Variants in PDE11A observed in about 807,000 individuals in gnomAD.
PDE11A encodes phosphodiesterase 11A.
PDE11A carries 100 observed loss-of-function variants against 100.5 expected under a neutral mutation model. The observed-to-expected ratio is 1.00, with a 90% CI of 0.85 to 1.18. PDE11A has a LOEUF of 1.18. Among genes scored for constraint, PDE11A ranks in the 50% most tolerant of loss-of-function variants. The probability of loss-of-function intolerance (pLI) is 0.00; values close to 1 mark genes in which losing one functional copy is unlikely to be tolerated. For missense variants in PDE11A, 1,141 were observed against 1,152.6 expected, an observed-to-expected ratio of 0.99 and a Z score of 0.15; for synonymous variants, 381 against 420.8, an observed-to-expected ratio of 0.91 and a Z score of 1.16.
At chr2:177,872,357 G>A (rs193293731) in intron 5 of PDE11A, among the ~76,000 whole-genome samples, 19 of 152,344 alleles carry the variant, frequency 1.2e-4, no homozygotes, top group African/African-American at 4.6e-4. Flanking sequence ...GGTGTTGCCA[G>A]TGATACCCTG....
In PDE11A at chr2:177,863,933, CAAGT is replaced by C. The variant is rs1182443764; in HGVS notation, c.1367+11922_1367+11925del. ...ATTCACAAGAGCAAACATATGGAAA[CAAGT>C]AAGTGTCTATTGATTAATGAAGGGA... On this transcript the variant is annotated intron_variant, in intron 5 of 19. Coordinates refer to ENST00000286063, the MANE Select transcript of PDE11A (RefSeq NM_016953.4). Among the ~76,000 whole-genome samples, 4 of 151,920 alleles carry C rather than the reference CAAGT, an allele frequency of 2.6e-5. No individual in the cohort carries two copies. The East Asian group carries it at 7.7e-4, about 29-fold the overall frequency.
At chr2:177,897,520 A>G (rs929792705) in intron 4 of PDE11A, among the ~76,000 whole-genome samples, 1 of 152,204 alleles carries the variant, frequency 6.6e-6, no homozygotes, top group African/African-American at 2.4e-5. Context: ...TCCACAGGAC[A>G]AATCTGCTGC....
chr2:178,095,199 A>G (rs902427386), intron 2 of PDE11A, among the ~76,000 whole-genome samples: 1 of 152,168 alleles, frequency 6.6e-6, no homozygotes, highest in Non-Finnish European at 1.5e-5. Flanking sequence ...CCTTCCTCCT[A>G]TGAGCCTGTA....
chr2:177,659,615 A>C (rs935039364), intron 19 of PDE11A, among the ~76,000 whole-genome samples: 3 of 152,188 alleles, frequency 2.0e-5, no homozygotes, highest in East Asian at 3.8e-4. Flanking sequence ...TTCTAGGTAC[A>C]CTGAGATTTG....
At chr2:177,669,367 T>G in intron 18 of PDE11A, 126 bp downstream of exon 18, 1 of 665,840 alleles carries the variant, frequency 1.5e-6, no homozygotes, top group Middle Eastern at 3.1e-4. Flanking sequence ...ATTAAGGTTT[T>G]AAACTTTCAG....
chr2:177,756,084 G>A (rs768820100), intron 10 of PDE11A, among the ~76,000 whole-genome samples: 65 of 152,174 alleles, frequency 4.3e-4, no homozygotes, highest in Non-Finnish European at 7.6e-4. Context: ...CTGGGACCTT[G>A]GGGCCATTTC....
intron 16 of PDE11A, among the ~76,000 whole-genome samples, chr2:177,676,755 T>C (rs1023975788): frequency 6.6e-6 from 1 of 152,244 alleles, no homozygotes; most frequent in Non-Finnish European, 1.5e-5. Context: ...CTACACTGCT[T>C]ACTGTGTGTC....
At chr2:177,799,651 C>T (rs2082756368) in intron 9 of PDE11A, among the ~76,000 whole-genome samples, 1 of 152,120 alleles carries the variant, frequency 6.6e-6, no homozygotes, top group Non-Finnish European at 1.5e-5. Flanking sequence ...TAACTAGTAG[C>T]TTAACCATGC....
chr2:177,993,687 C>T (rs1559035362), intron 2 of PDE11A, among the ~76,000 whole-genome samples: 1 of 152,040 alleles, frequency 6.6e-6, no homozygotes, highest in Non-Finnish European at 1.5e-5. Flanking sequence ...ACTTTGAGCT[C>T]CCCTCTTCCT....
intron 1 of PDE11A, among the ~76,000 whole-genome samples, chr2:178,028,206 T>A (rs1015849425): frequency 1.3e-5 from 2 of 151,726 alleles, no homozygotes; most frequent in Non-Finnish European, 2.9e-5. Context: ...AGGCTCTTTA[T>A]TTCCTTGGTG....
chr2:177,843,833 G>T (rs1469454994), intron 5 of PDE11A, among the ~76,000 whole-genome samples: 3 of 152,136 alleles, frequency 2.0e-5, no homozygotes, highest in Admixed American at 1.3e-4. Flanking sequence ...TTTTCACATA[G>T]ATGTGTTGAT....
At chr2:177,888,765 TC>T in intron 4 of PDE11A, 1 of 383,688 alleles carries the variant, frequency 2.6e-6, no homozygotes, top group Non-Finnish European at 3.6e-6. Context: ...TTGATACCAC[TC>T]CACAGAAAAG....
chr2:177,858,944 T>C (rs2083893126), intron 5 of PDE11A, among the ~76,000 whole-genome samples: 1 of 152,054 alleles, frequency 6.6e-6, no homozygotes. Flanking sequence ...ATGTCCTTTG[T>C]AGGGACATGG....
chr2:177,681,677 A>G (rs752112656), intron 15 of PDE11A, among the ~76,000 whole-genome samples: 9 of 152,246 alleles, frequency 5.9e-5, no homozygotes, highest in Non-Finnish European at 8.8e-5. Context: ...GGCCAAGGGC[A>G]TTCCTAAATT....
intron 1 of PDE11A, among the ~76,000 whole-genome samples, chr2:178,067,854 G>A (rs1304371083): frequency 6.6e-6 from 1 of 152,138 alleles, no homozygotes; most frequent in Non-Finnish European, 1.5e-5. Context: ...AATAAATGAA[G>A]CTGTTGTGTA....
At chr2:177,951,605 G>C (rs1267964794) in intron 2 of PDE11A, among the ~76,000 whole-genome samples, 1 of 152,154 alleles carries the variant, frequency 6.6e-6, no homozygotes. Context: ...GTGGTAATGA[G>C]AGTATCAGCA....
At chr2:177,651,605 T>C (rs2080309998) in intron 19 of PDE11A, among the ~76,000 whole-genome samples, 1 of 148,898 alleles carries the variant, frequency 6.7e-6, no homozygotes, top group African/African-American at 2.6e-5. Context: ...TACTGCCTCC[T>C]CTTAGGCCCT....
chr2:177,803,284 T>C (rs1431137235), intron 9 of PDE11A, among the ~76,000 whole-genome samples: 3 of 151,398 alleles, frequency 2.0e-5, no homozygotes, highest in African/African-American at 7.3e-5. Context: ...AGTGAGATTA[T>C]GTCACTTATA....
chr2:177,845,015 G>A (rs1307275035), intron 5 of PDE11A, among the ~76,000 whole-genome samples: 2 of 151,298 alleles, frequency 1.3e-5, no homozygotes, highest in African/African-American at 2.4e-5. Context: ...CCACAAAGCC[G>A]CCATTGTCAT....
Sources: allele counts gnomAD v4.1 joint callset (sites outside exome capture counted in the v4.1 genomes callset), GRCh38; gene constraint gnomAD v4.1.1; transcripts MANE v1.5; gene names NCBI Gene and HGNC (gene_info 2026-07-23, HGNC 2026-07-21).